Variants in SERPINB11 observed in about 807,000 individuals in gnomAD.
SERPINB11 encodes the protein serpin family B member 11.
Under a neutral mutation model 36.7 loss-of-function variants are expected in SERPINB11, and 32 were observed. The ratio of observed to expected loss-of-function variants is 0.87; its 90% CI spans 0.66 to 1.17. The LOEUF is 1.17. Among genes scored for constraint, SERPINB11 ranks in the 50% most tolerant of loss-of-function variants. SERPINB11 has a pLI of 0.00. For missense variants in SERPINB11, 528 were observed against 458.4 expected, an observed-to-expected ratio of 1.15 and a Z score of -1.39; for synonymous variants, 174 against 168.1, an observed-to-expected ratio of 1.04 and a Z score of -0.27.
At chr18:63,719,755 C>T (rs916866001) in intron 5 of SERPINB11, among the ~76,000 whole-genome samples, 1 of 152,012 alleles carries the variant, frequency 6.6e-6, no homozygotes, top group Non-Finnish European at 1.5e-5. Context: ...AGGCATAAGA[C>T]AAATTGATCC....
Position 63,720,125 on chromosome 18 carries a change from G to C in SERPINB11, c.588G>C (p.Glu196Asp). The C allele has an allele frequency of 6.2e-7, 1 of 1,608,580 alleles. No individual in the cohort carries two copies. Among genetic ancestry groups the C allele is most frequent in the South Asian group, 1.1e-5 (1 of 90,762 alleles). ...GQWQNKFQVRETVKSPFQLSE... is the reference protein window; with the variant it reads ...GQWQNKFQVRDTVKSPFQLSE... ...GGCAAAATAAATTTCAAGTAAGAGA[G>C]ACAGTTAAAAGTCCTTTTCAGCTAA... The change falls in exon 6 of 8, where the codon GAG becomes GAC. Residue 196 changes from glutamate (E) to aspartate (D), a missense_variant. Glu to Asp is a conservative substitution (Grantham distance 45). Coordinates refer to ENST00000544088, the MANE Select transcript of SERPINB11 (RefSeq NM_001370475.1).
chr18:63,715,192 C>A (rs112145841), intron 4 of SERPINB11, among the ~76,000 whole-genome samples: 3 of 152,084 alleles, frequency 2.0e-5, no homozygotes, highest in Non-Finnish European at 4.4e-5. Flanking sequence ...GGCATTGAGT[C>A]CCACTGGGCT....
chr18:63,707,774 T>A (rs1043956199), intron 1 of SERPINB11, among the ~76,000 whole-genome samples: 1 of 152,216 alleles, frequency 6.6e-6, no homozygotes, highest in South Asian at 2.1e-4. Flanking sequence ...GTCACTACTC[T>A]ATGGATAGAG....
intron 4 of SERPINB11, among the ~76,000 whole-genome samples, chr18:63,713,366 G>T (rs1490711677): frequency 6.6e-6 from 1 of 152,166 alleles, no homozygotes; most frequent in Non-Finnish European, 1.5e-5. Context: ...AGGCTGATAA[G>T]GGTCACAGAC....
intron 1 of SERPINB11, chr18:63,705,304 T>C (rs1914343395): frequency 6.6e-6 from 1 of 152,190 alleles, no homozygotes; most frequent in Non-Finnish European, 1.5e-5. Flanking sequence ...TTCAAACTCC[T>C]GGGCTCAAGG....
chr18:63,713,211 G>A (rs189771089), intron 4 of SERPINB11, among the ~76,000 whole-genome samples: 1 of 152,222 alleles, frequency 6.6e-6, no homozygotes, highest in Admixed American at 6.5e-5. Flanking sequence ...ATGGTCCTAT[G>A]TAGTTTTATT....
At chr18:63,705,395 A>G (rs1392446978) in intron 1 of SERPINB11, 1 of 152,252 alleles carries the variant, frequency 6.6e-6, no homozygotes, top group Non-Finnish European at 1.5e-5. Flanking sequence ...AAAAATGCGT[A>G]AGATAAAGAA....
chr18:63,714,639 A>AAG (rs142234012), intron 4 of SERPINB11, among the ~76,000 whole-genome samples: 56,097 of 151,602 alleles, frequency 0.37, 11,157 homozygotes, highest in East Asian at 0.61. Context: ...TTGTTTTTGA[A>AAG]AAGAGAAATA....
At chr18:63,708,414 A>T (rs1914426709) in intron 1 of SERPINB11, among the ~76,000 whole-genome samples, 1 of 152,250 alleles carries the variant, frequency 6.6e-6, no homozygotes, top group Admixed American at 6.5e-5. Flanking sequence ...ACTGGGGAGC[A>T]TGAGAAATGT....
chr18:63,711,211 A>G (rs577352356), intron 2 of SERPINB11, 124 bp from the exon 3 acceptor site: 1 of 718,640 alleles, frequency 1.4e-6, no homozygotes, highest in Non-Finnish European at 2.4e-6. Context: ...GGAACACATT[A>G]TTAAATGTTA....
chr18:63,712,263 A>AATAC (rs1914544682), intron 3 of SERPINB11, among the ~76,000 whole-genome samples: 1 of 152,218 alleles, frequency 6.6e-6, no homozygotes, highest in Non-Finnish European at 1.5e-5. Context: ...TATTGCCCTG[A>AATAC]ATACCCCACT....
Position 63,723,052 on chromosome 18 carries a change from A to T in SERPINB11, c.832A>T (p.Met278Leu). 1.2e-6 allele frequency: 2 copies of T among 1,603,500 alleles called. No individual in the cohort carries two copies. The highest frequency in any genetic ancestry group is 1.7e-6 in the Non-Finnish European group (2 of 1,174,918). ...TGAGTGGACAAGCTCTTCTAACATG[A>T]TGGAAAGAGAAGTTGAAGTACACCT... ...FHEWTSSSNM[M>L]EREVEVHLPR... is the part of the protein sequence containing the mutation. Residue 278 changes from methionine (M) to leucine (L), a missense_variant, in exon 8 of 8, where the codon ATG (methionine) becomes TTG (leucine). By Grantham distance (15) the Met-to-Leu change is conservative. Transcript: ENST00000544088.
intron 1 of SERPINB11, among the ~76,000 whole-genome samples, chr18:63,706,240 G>A (rs1914369525): frequency 6.6e-6 from 1 of 152,126 alleles, no homozygotes; most frequent in Admixed American, 6.5e-5. Flanking sequence ...TAAATGTCAT[G>A]GGTCATTATT....
chr18:63,719,468 T>C (rs1914749206), intron 5 of SERPINB11, among the ~76,000 whole-genome samples: 1 of 152,114 alleles, frequency 6.6e-6, no homozygotes, highest in Admixed American at 6.6e-5. Context: ...GAGGGCTGGA[T>C]GTTTAATTTT....
intron 1 of SERPINB11, among the ~76,000 whole-genome samples, chr18:63,707,885 G>A (rs886521996): frequency 6.6e-6 from 1 of 152,184 alleles, no homozygotes; most frequent in Non-Finnish European, 1.5e-5. Flanking sequence ...TATGTAGTAA[G>A]CCAGGTGGTG....
chr18:63,719,235 T>G (rs1459126263), intron 5 of SERPINB11, among the ~76,000 whole-genome samples: 1 of 152,104 alleles, frequency 6.6e-6, no homozygotes, highest in Non-Finnish European at 1.5e-5. Flanking sequence ...TTTCATCTTT[T>G]GTTTATATCT....
rs891810696 is a variant in SERPINB11 at position 63,723,025 on chromosome 18, C to A, written c.805C>A (p.His269Asn). The change falls in exon 8 of 8, where the codon CAT becomes AAT. Residue 269 changes from histidine to asparagine, a missense_variant. Transcript: ENST00000544088. The stretch of plus-strand genomic sequence containing the variant: ...AAAGCAGCTGAATTCGGGGACGTTT[C>A]ATGAGTGGACAAGCTCTTCTAACAT... ...IEKQLNSGTF[H>N]EWTSSSNMME... 15 of 1,588,522 alleles carry A rather than the reference C, an allele frequency of 9.4e-6. No homozygotes were observed. The African/African-American group carries it at 1.8e-4, about 19-fold the overall frequency.
chr18:63,719,958 C>A (rs966753530), intron 5 of SERPINB11, 55 bp from the exon 6 acceptor site: 2 of 1,423,630 alleles, frequency 1.4e-6, no homozygotes, highest in Admixed American at 2.2e-5. Context: ...GACTCTTCAC[C>A]TCTCTATTAT....
At position 63,723,404 on chromosome 18, in the gene SERPINB11, A is replaced by C; in HGVS notation, c.*5A>C. ...GGCAAGCTTGCCTCTCCCTAATCAG[A>C]TGGGGTTGAGCAAGGCTCAGAGTTG... On this transcript the variant is annotated 3_prime_UTR_variant, in exon 8 of 8. Transcript: ENST00000544088. 1 of 1,592,154 alleles carries C rather than the reference A, an allele frequency of 6.3e-7. No homozygotes were observed. Among genetic ancestry groups the C allele is most frequent in the Admixed American group, 1.7e-5 (1 of 58,146 alleles).
Sources: gnomAD v4.1 joint callset for allele counts (sites outside exome capture counted in the v4.1 genomes callset) on GRCh38, gnomAD v4.1.1 for gene constraint, MANE v1.5 for transcripts, NCBI Gene and HGNC (gene_info 2026-07-23, HGNC 2026-07-21) for gene names.